Variants in EIF4G3 observed in about 807,000 individuals in gnomAD.
The protein encoded by EIF4G3 is eIF-4-gamma 3.
EIF4G3 carries 34 observed loss-of-function variants against 186.4 expected under a neutral mutation model. That is an observed-to-expected ratio of 0.18 (90% CI 0.14 to 0.24). The LOEUF is 0.24. Among genes scored for constraint, EIF4G3 ranks in the 10% least tolerant of loss-of-function variants. The probability of loss-of-function intolerance (pLI) is 1.00; values close to 1 mark genes in which losing one functional copy is unlikely to be tolerated. For missense variants in EIF4G3, 1,536 were observed against 1,948.5 expected, an observed-to-expected ratio of 0.79 and a Z score of 3.99; for synonymous variants, 673 against 679.5, an observed-to-expected ratio of 0.99 and a Z score of 0.15.
At chr1:20,953,981 C>A (rs2096313354) in intron 12 of EIF4G3, among the ~76,000 whole-genome samples, 1 of 152,162 alleles carries the variant, frequency 6.6e-6, no homozygotes, top group East Asian at 1.9e-4. Flanking sequence ...CTAAAAGAGA[C>A]AATATGGCTG....
intron 14 of EIF4G3, among the ~76,000 whole-genome samples, chr1:20,924,283 C>A (rs4654890): frequency 1.3e-5 from 2 of 152,132 alleles, no homozygotes; most frequent in Non-Finnish European, 2.9e-5. Context: ...GTTTGTTGAA[C>A]TGAATACTAA....
chr1:21,009,621 T>C (rs1304616212), intron 4 of EIF4G3, among the ~76,000 whole-genome samples: 1 of 150,772 alleles, frequency 6.6e-6, no homozygotes, highest in East Asian at 2.0e-4. Flanking sequence ...CTTCAACCTC[T>C]TGAGAACTGT....
intron 4 of EIF4G3, among the ~76,000 whole-genome samples, chr1:21,038,948 A>G (rs1368584021): frequency 6.6e-6 from 1 of 152,216 alleles, no homozygotes; most frequent in African/African-American, 2.4e-5. Flanking sequence ...AGAAAAGCCC[A>G]TTCTAAAATT....
chr1:20,955,360 C>T (rs2096381615), intron 12 of EIF4G3, among the ~76,000 whole-genome samples: 1 of 151,944 alleles, frequency 6.6e-6, no homozygotes, highest in Admixed American at 6.6e-5. Flanking sequence ...GCCTCCTAAG[C>T]AGCTAGGACC....
At chr1:21,156,712 T>C (rs1174865042) in intron 2 of EIF4G3, among the ~76,000 whole-genome samples, 1 of 152,196 alleles carries the variant, frequency 6.6e-6, no homozygotes, top group Non-Finnish European at 1.5e-5. Context: ...ATAGCTTTCA[T>C]GATATGATCA....
intron 4 of EIF4G3, among the ~76,000 whole-genome samples, chr1:21,037,591 T>C (rs1339742015): frequency 1.3e-5 from 2 of 152,206 alleles, no homozygotes; most frequent in Non-Finnish European, 2.9e-5. Flanking sequence ...AAAAACCTTC[T>C]GAGTACAGAC....
At chr1:21,042,093 G>A (rs1360452524) in intron 4 of EIF4G3, among the ~76,000 whole-genome samples, 8 of 151,636 alleles carry the variant, frequency 5.3e-5, no homozygotes, top group Non-Finnish European at 1.2e-4. Flanking sequence ...CTCAGGGGAT[G>A]CTCCCACTTT....
chr1:20,917,921 TTAAAATTATA>T lies in EIF4G3; in HGVS notation c.1664-12960_1664-12951del, dbSNP rs999076097. Among the ~76,000 whole-genome samples, 67 of 135,098 alleles carry T rather than the reference TTAAAATTATA, an allele frequency of 5.0e-4. 1 individual carries two copies. Among genetic ancestry groups the T allele is most frequent in the Middle Eastern group, 3.7e-3 (1 of 268 alleles). 88.6% of individuals were successfully genotyped at this position (135,098 alleles called of 152,430 possible). The stretch of plus-strand genomic sequence containing the variant: ...TATGACATACTGTTTTTACAAGGCT[TTAAAATTATA>T]TATAGTTATTTTTCCGTTTACAAAG... On this transcript the variant is annotated intron_variant, in intron 14 of 36. Coordinates refer to ENST00000602326, the MANE Select transcript of EIF4G3 (RefSeq NM_001391906.1).
At chr1:20,969,084 A>T (rs907145454) in intron 12 of EIF4G3, among the ~76,000 whole-genome samples, 1 of 152,224 alleles carries the variant, frequency 6.6e-6, no homozygotes, top group Middle Eastern at 3.2e-3. Flanking sequence ...AAAAATGTTA[A>T]ATTCTCAACC....
In EIF4G3 at chr1:21,100,565, TA is replaced by T. The variant is rs1023552988; in HGVS notation, c.-271-11353del. Among the ~76,000 whole-genome samples the T allele has an allele frequency of 3.9e-5, 6 of 152,074 alleles. No individual in the cohort carries two copies. The East Asian group carries it at 1.2e-3, about 29-fold the overall frequency. On this transcript the variant is annotated intron_variant, in intron 2 of 36. Coordinates refer to ENST00000602326, the MANE Select transcript of EIF4G3 (RefSeq NM_001391906.1). ...TCATCATGATCCGGTTCAATAGACT[TA>T]AAAAAAGTATGGCTTGCCAAGCACA...
intron 14 of EIF4G3, among the ~76,000 whole-genome samples, chr1:20,920,354 CTTT>C (rs748180032): frequency 1.2e-4 from 19 of 152,044 alleles, no homozygotes; most frequent in Non-Finnish European, 2.1e-4. Context: ...TATTCACATT[CTTT>C]TTTATTAGTA....
intron 4 of EIF4G3, among the ~76,000 whole-genome samples, chr1:21,044,618 T>C (rs974047832): frequency 3.4e-5 from 5 of 148,468 alleles, no homozygotes; most frequent in Middle Eastern, 3.4e-3. Context: ...TAAGGAAAAA[T>C]CACTATTAAA....
chr1:20,945,651 A>G (rs1477223831), intron 13 of EIF4G3, among the ~76,000 whole-genome samples: 1 of 152,108 alleles, frequency 6.6e-6, no homozygotes, highest in Non-Finnish European at 1.5e-5. Flanking sequence ...TTTTTTGTAG[A>G]GACAGGGTAT....
At chr1:21,022,605 G>A (rs1193086928) in intron 4 of EIF4G3, among the ~76,000 whole-genome samples, 2 of 152,172 alleles carry the variant, frequency 1.3e-5, no homozygotes, top group Admixed American at 6.5e-5. Context: ...CAACCAGTTT[G>A]TGTTAAAGCT....
At chr1:20,857,009 A>T (rs1323782949) in intron 25 of EIF4G3, among the ~76,000 whole-genome samples, 1 of 151,840 alleles carries the variant, frequency 6.6e-6, no homozygotes, top group Non-Finnish European at 1.5e-5. Flanking sequence ...AAAAAATACA[A>T]AAAATTAGCC....
At chr1:20,981,659 GTATACGCACATACTGTATGTATACATA>G (rs2078207155) in intron 8 of EIF4G3, among the ~76,000 whole-genome samples, 1 of 114,534 alleles carries the variant, frequency 8.7e-6, no homozygotes, top group African/African-American at 3.3e-5. Flanking sequence ...ATACATACAT[GTATACGCACATACTGTATGTATACATA>G]CATGTATACG....
intron 33 of EIF4G3, among the ~76,000 whole-genome samples, chr1:20,818,627 C>T (rs913238896): frequency 2.0e-5 from 3 of 151,426 alleles, no homozygotes; most frequent in Non-Finnish European, 2.9e-5. Context: ...GGCAATAGGG[C>T]GAGATCCTGT....
At chr1:21,045,234 A>T (rs1328952322) in intron 4 of EIF4G3, among the ~76,000 whole-genome samples, 3 of 152,206 alleles carry the variant, frequency 2.0e-5, no homozygotes, top group Non-Finnish European at 4.4e-5. Flanking sequence ...AGATTCCCGG[A>T]AGCTGGATAA....
rs575492996 is a variant in EIF4G3 at position 21,053,898 on chromosome 1, G to T, written c.-195-2904C>A. Among the ~76,000 whole-genome samples, 231 of 148,964 alleles carry T rather than the reference G, an allele frequency of 1.6e-3. 2 individuals carry two copies. Among genetic ancestry groups the T allele is most frequent in the African/African-American group, 5.4e-3 (217 of 40,488 alleles). ...CCGCCCCGTCTGCGAGGTGAGGGGC[G>T]CCTCTGCCCGGCCGCCCCTACTGGG... On this transcript the variant is annotated intron_variant, in intron 3 of 36. Coordinates refer to ENST00000602326, the MANE Select transcript of EIF4G3 (RefSeq NM_001391906.1).
Sources: allele counts gnomAD v4.1 joint callset (sites outside exome capture counted in the v4.1 genomes callset), GRCh38; gene constraint gnomAD v4.1.1; transcripts MANE v1.5; gene names NCBI Gene and HGNC (gene_info 2026-07-23, HGNC 2026-07-21).